Variants in DNAJC6 observed in about 807,000 individuals in gnomAD.
The protein encoded by DNAJC6 is auxilin.
A neutral mutation model predicts 110.0 loss-of-function variants in DNAJC6; 34 were observed. The observed-to-expected ratio is 0.31, with a 90% CI of 0.24 to 0.41. The LOEUF is 0.41. Ranked by LOEUF, DNAJC6 falls within the 10% of genes least tolerant of loss-of-function variation. DNAJC6 has a pLI of 1.00. For synonymous variants in DNAJC6, 406 were observed against 437.2 expected, an observed-to-expected ratio of 0.93 and a Z score of 0.89; for missense variants, 1,031 against 1,207.8, an observed-to-expected ratio of 0.85 and a Z score of 2.17.
In DNAJC6 at chr1:65,411,414, G is replaced by A. The variant is rs764156036; in HGVS notation, c.2799G>A (p.Val933=). 6.2e-7 allele frequency: 1 copy of A among 1,613,732 alleles called. No homozygotes were observed. The highest frequency in any genetic ancestry group is 1.1e-5 in the South Asian group (1 of 91,044). ...TGTACAGGAAGGCTGTCCTGGTGGT[G>A]CACCCAGATAAAGTGGGTATAACCT... ...KKVYRKAVLV[V]HPDKATGQPY... is the part of the protein sequence containing the mutation. Residue 933 remains valine, a synonymous_variant, in exon 18 of 19, where the codon GTG becomes GTA. Coordinates refer to ENST00000371069, the MANE Select transcript of DNAJC6 (RefSeq NM_001256864.2).
intron 1 of DNAJC6, among the ~76,000 whole-genome samples, chr1:65,270,661 T>C (rs773493944): frequency 6.6e-6 from 1 of 152,146 alleles, no homozygotes; most frequent in Non-Finnish European, 1.5e-5. Context: ...TACTGCCACT[T>C]ACATTTTTAT....
intron 4 of DNAJC6, among the ~76,000 whole-genome samples, chr1:65,373,033 T>C (rs1001340397): frequency 2.6e-5 from 4 of 152,154 alleles, no homozygotes; most frequent in African/African-American, 9.7e-5. Context: ...ACATTTTTAG[T>C]TTCTGCATAT....
intron 7 of DNAJC6, 51 bp from the exon 8 acceptor site, chr1:65,386,761 T>C (rs764537489): frequency 7.6e-6 from 11 of 1,456,370 alleles, no homozygotes; most frequent in South Asian, 6.9e-5. Flanking sequence ...GTCTGTGTGA[T>C]TGTACCAGAT....
intron 1 of DNAJC6, among the ~76,000 whole-genome samples, chr1:65,281,766 G>A (rs1479509434): frequency 6.6e-6 from 1 of 151,904 alleles, no homozygotes; most frequent in Non-Finnish European, 1.5e-5. Context: ...CAGCCACCAC[G>A]CCTGGCTAAT....
At chr1:65,374,651 T>A (rs1460915104) in intron 4 of DNAJC6, among the ~76,000 whole-genome samples, 3 of 152,236 alleles carry the variant, frequency 2.0e-5, no homozygotes, top group Admixed American at 6.5e-5. Context: ...CTTTACTGAA[T>A]TCGTTTGTCA....
At chr1:65,403,874 A>C (rs1646051972) in intron 15 of DNAJC6, among the ~76,000 whole-genome samples, 2 of 152,098 alleles carry the variant, frequency 1.3e-5, no homozygotes, top group Admixed American at 1.3e-4. Flanking sequence ...CTTTTTCACC[A>C]CTGTATCTGC....
At chr1:65,309,080 T>A, upstream of DNAJC6, among the ~76,000 whole-genome samples, 1 of 152,188 alleles carries the variant, frequency 6.6e-6, no homozygotes, top group African/African-American at 2.4e-5. Context: ...CTGGTGGCTT[T>A]GGCGGAATCT....
chr1:65,406,443 C>T (rs1646077542), intron 16 of DNAJC6, among the ~76,000 whole-genome samples: 1 of 152,150 alleles, frequency 6.6e-6, no homozygotes, highest in Non-Finnish European at 1.5e-5. Context: ...ATCATTAGCA[C>T]CTAGCATAGT....
chr1:65,299,977 G>A (rs1250063630), intron 1 of DNAJC6, among the ~76,000 whole-genome samples: 5 of 150,604 alleles, frequency 3.3e-5, no homozygotes, highest in Admixed American at 2.0e-4. Flanking sequence ...GCTTGAACCC[G>A]GGAGGTGAGT....
chr1:65,309,501 C>CA, upstream of DNAJC6: 1 of 1,109,038 alleles, frequency 9.0e-7, no homozygotes, highest in Non-Finnish European at 1.1e-6. Flanking sequence ...GCGCCCCCGC[C>CA]CGGCCGCGTC....
rs763088357 is a variant in DNAJC6 at position 65,392,719 on chromosome 1, G to T, written c.1757G>T (p.Gly586Val). The change falls in exon 12 of 19, where the codon GGG (glycine) becomes GTG (valine). Residue 586 changes from glycine (G) to valine (V), a missense_variant. Physicochemically the swap from Gly to Val is moderately radical, Grantham distance 109 (BLOSUM62 -3). Transcript: ENST00000371069. ...TNSELLSDLF[G>V]GGGAAGPTQA... Reference sequence around the variant, plus strand: ...TCTGAACTACTGAGTGACCTGTTTGGGGGTGGAGGTGCAGCTGGTCCCACC... The same window carrying T: ...TCTGAACTACTGAGTGACCTGTTTGTGGGTGGAGGTGCAGCTGGTCCCACC... The T allele has an allele frequency of 2.5e-6, 4 of 1,612,694 alleles. No individual in the cohort carries two copies. The highest frequency in any genetic ancestry group is 3.4e-6 in the Non-Finnish European group (4 of 1,179,530).
chr1:65,301,686 C>T (rs1232916371), intron 1 of DNAJC6, among the ~76,000 whole-genome samples: 1 of 152,160 alleles, frequency 6.6e-6, no homozygotes, highest in Non-Finnish European at 1.5e-5. Flanking sequence ...CTCCAGGAAC[C>T]TCCACTTAGC....
intron 1 of DNAJC6, chr1:65,299,096 A>G (rs960555950): frequency 2.6e-5 from 4 of 152,258 alleles, no homozygotes; most frequent in African/African-American, 7.2e-5. Flanking sequence ...AGTCCATTAT[A>G]TGATTTTCCC....
chr1:65,345,229 CGT>C (rs55934054), intron 1 of DNAJC6, among the ~76,000 whole-genome samples: 68,708 of 143,602 alleles, frequency 0.48, 16,173 homozygotes, highest in East Asian at 0.76. Context: ...CTCTCCCTTT[CGT>C]GTGTGTGTGT....
chr1:65,384,139 G>A (rs1341718253), intron 5 of DNAJC6, 54 bp from the exon 6 acceptor site: 1 of 1,363,480 alleles, frequency 7.3e-7, no homozygotes, highest in African/African-American at 1.5e-5. Flanking sequence ...ATTTTCAATG[G>A]AGAATGGCTG....
chr1:65,385,952 A>G (rs1016204575), intron 7 of DNAJC6, 46 bp downstream of exon 7: 3 of 1,463,720 alleles, frequency 2.0e-6, no homozygotes, highest in Middle Eastern at 3.6e-4. Flanking sequence ...CTCAATTCTC[A>G]TGTAAATGAG....
chr1:65,401,212 A>G (rs142431208), intron 14 of DNAJC6, among the ~76,000 whole-genome samples: 7 of 152,034 alleles, frequency 4.6e-5, no homozygotes, highest in African/African-American at 1.7e-4. Context: ...TGATTTTTTT[A>G]TATGGTGAGA....
intron 17 of DNAJC6, among the ~76,000 whole-genome samples, chr1:65,410,319 A>G (rs943266047): frequency 6.6e-6 from 1 of 152,140 alleles, no homozygotes; most frequent in Non-Finnish European, 1.5e-5. Context: ...AGATTCTTTG[A>G]TACATTTTTT....
intron 1 of DNAJC6, among the ~76,000 whole-genome samples, chr1:65,348,070 G>A (rs1645454534): frequency 6.6e-6 from 1 of 152,142 alleles, no homozygotes; most frequent in African/African-American, 2.4e-5. Context: ...TATGGCAAAA[G>A]GGACACACCA....
Sources: allele counts gnomAD v4.1 joint callset (sites outside exome capture counted in the v4.1 genomes callset), GRCh38; gene constraint gnomAD v4.1.1; transcripts MANE v1.5; gene names NCBI Gene and HGNC (gene_info 2026-07-23, HGNC 2026-07-21).